TENM4: variants seen among roughly 807,000 people sequenced by gnomAD.
TENM4 encodes teneurin-4.
A neutral mutation model predicts 243.3 loss-of-function variants in TENM4; 82 were observed. The ratio of observed to expected loss-of-function variants is 0.34; its 90% confidence interval spans 0.28 to 0.40. The LOEUF is 0.40. Ranked by LOEUF, TENM4 falls within the 10% of genes least tolerant of loss-of-function variation. TENM4 has a pLI of 1.00. For missense variants in TENM4, 3,138 were observed against 3,673.3 expected, an observed-to-expected ratio of 0.85 and a Z score of 3.77; for synonymous variants, 1,412 against 1,456.3, an observed-to-expected ratio of 0.97 and a Z score of 0.69.
intron 15 of TENM4, among the ~76,000 whole-genome samples, chr11:78,801,866 C>G (rs527653979): frequency 3.3e-5 from 5 of 152,324 alleles, no homozygotes; most frequent in Middle Eastern, 3.4e-3. Flanking sequence ...GCAGCATAAG[C>G]AAGATGACTT....
intron 6 of TENM4, among the ~76,000 whole-genome samples, chr11:78,933,125 A>G (rs970884256): frequency 6.6e-6 from 1 of 152,182 alleles, no homozygotes; most frequent in East Asian, 1.9e-4. Flanking sequence ...ATTTGAAGCT[A>G]GATTTGACTG....
intron 1 of TENM4, among the ~76,000 whole-genome samples, chr11:79,335,002 C>T (rs1014957259): frequency 4.6e-5 from 7 of 152,212 alleles, no homozygotes; most frequent in African/African-American, 1.7e-4. Flanking sequence ...TATATTCATT[C>T]AAAGCCTAGC....
intron 12 of TENM4, among the ~76,000 whole-genome samples, chr11:78,820,675 G>C (rs150163536): frequency 5.9e-4 from 90 of 152,286 alleles, no homozygotes; most frequent in African/African-American, 1.7e-3. Flanking sequence ...GTGGGTTTCT[G>C]GGGGGTAAAC....
chr11:79,208,940 C>T (rs150763199), intron 3 of TENM4, among the ~76,000 whole-genome samples: 5 of 152,308 alleles, frequency 3.3e-5, no homozygotes, highest in South Asian at 2.1e-4. Flanking sequence ...GGCAGTACAG[C>T]GACAGAGGTC....
At chr11:79,351,911 G>A (rs1007083134) in intron 1 of TENM4, among the ~76,000 whole-genome samples, 1 of 152,038 alleles carries the variant, frequency 6.6e-6, no homozygotes, top group Non-Finnish European at 1.5e-5. Context: ...GAAGAGCCCC[G>A]TGCTGGGTGC....
chr11:78,862,005 C>T (rs1858833303), intron 10 of TENM4, among the ~76,000 whole-genome samples: 1 of 152,164 alleles, frequency 6.6e-6, no homozygotes, highest in Non-Finnish European at 1.5e-5. Context: ...ATGTCCATGG[C>T]ATGTTAGAAA....
intron 16 of TENM4, 73 bp from the exon 17 acceptor site, chr11:78,778,701 C>A: frequency 7.2e-7 from 1 of 1,388,248 alleles, no homozygotes; most frequent in East Asian, 2.3e-5. Context: ...ATAACCATGC[C>A]AGATGCTACA....
intron 2 of TENM4, among the ~76,000 whole-genome samples, chr11:79,257,429 C>A (rs894335220): frequency 9.2e-5 from 14 of 152,136 alleles, no homozygotes; most frequent in African/African-American, 3.4e-4. Context: ...AGGAGCTCAC[C>A]AAGGCTGTGG....
At chr11:79,262,986 T>C (rs1452805190) in intron 2 of TENM4, among the ~76,000 whole-genome samples, 1 of 152,240 alleles carries the variant, frequency 6.6e-6, no homozygotes, top group Non-Finnish European at 1.5e-5. Flanking sequence ...TCAGCTTTTG[T>C]AGCTCTCCCT....
chr11:79,081,307 GGGAA>G (rs1860665967), intron 4 of TENM4, among the ~76,000 whole-genome samples: 1 of 152,178 alleles, frequency 6.6e-6, no homozygotes, highest in South Asian at 2.1e-4. Flanking sequence ...CTGTTGAGCA[GGGAA>G]GGAATATCAC....
chr11:79,121,117 T>G (rs766357188), intron 4 of TENM4, among the ~76,000 whole-genome samples: 23 of 152,208 alleles, frequency 1.5e-4, no homozygotes, highest in Non-Finnish European at 7.3e-5. Flanking sequence ...CCATGTGACA[T>G]GCCCAAAGCC....
rs1266327333 is a variant in TENM4, at chr11:78,954,242, C to T, written c.494-50719G>A. On this transcript the variant is annotated intron_variant, in intron 6 of 33. Coordinates refer to ENST00000278550, the MANE Select transcript of TENM4 (RefSeq NM_001098816.3). ...TGGGGAAGGGTGGGAACAGATGGCTCCCAAAGACCACGTTTAGGAAATGGA... is the reference window on the plus strand; with the variant it reads ...TGGGGAAGGGTGGGAACAGATGGCTTCCAAAGACCACGTTTAGGAAATGGA... Among the ~76,000 whole-genome samples the T allele has an allele frequency of 2.0e-5, 3 of 152,206 alleles. 1 individual carries two copies. Among genetic ancestry groups the T allele is most frequent in the Middle Eastern group, 6.8e-3 (2 of 294 alleles).
intron 1 of TENM4, among the ~76,000 whole-genome samples, chr11:79,350,728 C>A (rs1223656567): frequency 2.6e-5 from 4 of 152,016 alleles, no homozygotes; most frequent in Non-Finnish European, 4.4e-5. Context: ...GCATAAGTCA[C>A]CACTCCTGGC....
intron 9 of TENM4, among the ~76,000 whole-genome samples, chr11:78,888,073 T>C (rs4945312): frequency 0.51 from 77,324 of 152,042 alleles, 23,822 homozygotes; most frequent in East Asian, 0.78. Context: ...ACAACCCTCA[T>C]TGGTAACCCA....
chr11:79,233,667 G>A (rs1565261539), intron 2 of TENM4, among the ~76,000 whole-genome samples: 1 of 152,128 alleles, frequency 6.6e-6, no homozygotes, highest in Non-Finnish European at 1.5e-5. Context: ...TGAATGGGGA[G>A]AGGAGATCGC....
At chr11:79,419,710 A>G (rs1858891333) in intron 1 of TENM4, among the ~76,000 whole-genome samples, 1 of 152,146 alleles carries the variant, frequency 6.6e-6, no homozygotes, top group Non-Finnish European at 1.5e-5. Context: ...GTAAGGAGGT[A>G]AAGAGATTAG....
intron 12 of TENM4, among the ~76,000 whole-genome samples, chr11:78,842,986 T>C (rs1858297938): frequency 6.6e-6 from 1 of 151,318 alleles, no homozygotes; most frequent in African/African-American, 2.4e-5. Context: ...CCAGTCGGGG[T>C]AACATAGAGA....
rs562840603 is a variant in TENM4 at position 79,237,624 on chromosome 11, C to G, written c.-264-21715G>C. 2.0e-5 allele frequency among the ~76,000 whole-genome samples: 3 copies of G among 152,244 alleles called. No homozygotes were observed. The South Asian group carries it at 6.2e-4, about 32-fold the overall frequency. Reference sequence around the variant, plus strand: ...CCTGGGAGGTGGAGGTTGCAGTGAGCCAAGTTCGTACCACTGCACTCCAGC... The same window carrying G: ...CCTGGGAGGTGGAGGTTGCAGTGAGGCAAGTTCGTACCACTGCACTCCAGC... On this transcript the variant is annotated intron_variant, in intron 2 of 33. Transcript: ENST00000278550.
At chr11:79,153,398 G>T (rs1862546481) in intron 3 of TENM4, among the ~76,000 whole-genome samples, 1 of 152,208 alleles carries the variant, frequency 6.6e-6, no homozygotes, top group Non-Finnish European at 1.5e-5. Flanking sequence ...CAGGGGCAGA[G>T]CAGCAGAAAT....
Sources: gnomAD v4.1 joint callset for allele counts (sites outside exome capture counted in the v4.1 genomes callset) on GRCh38, gnomAD v4.1.1 for gene constraint, MANE v1.5 for transcripts, NCBI Gene and HGNC (gene_info 2026-07-23, HGNC 2026-07-21) for gene names.